Variants in CNTNAP3B observed in about 807,000 individuals in gnomAD.
The protein encoded by CNTNAP3B is contactin-associated protein-like 3B.
In CNTNAP3B, 25 loss-of-function variants were observed where a neutral mutation model predicts 108.9. The ratio of observed to expected loss-of-function variants is 0.23; its 90% CI spans 0.17 to 0.32. The LOEUF is 0.32. Ranked by LOEUF, CNTNAP3B falls within the 10% of genes least tolerant of loss-of-function variation. The pLI, the probability that CNTNAP3B is intolerant of heterozygous loss-of-function variation, is 1.00. For synonymous variants in CNTNAP3B, 103 were observed against 473.4 expected (o/e 0.22, Z 10.16); for missense variants, 252 against 1,210.4 (o/e 0.21, Z 11.75).
chr9:42,121,269 C>T lies in CNTNAP3B; in HGVS notation c.85+7741G>A, dbSNP rs970519079. ...CAGAAGTGACCAGCTCAATGACACC[C>T]CCTTTTGGTGGATTTTTCTTCTCTA... On this transcript the variant is annotated intron_variant, in intron 1 of 23. Transcript: ENST00000377561. Among the ~76,000 whole-genome samples the T allele has an allele frequency of 1.4e-5, 2 of 138,838 alleles. 1 individual carries two copies. Among genetic ancestry groups the T allele is most frequent in the Non-Finnish European group, 3.1e-5 (2 of 64,872 alleles). The allele number at this position is 138,838 out of a possible 152,430, so 91.1% of individuals were successfully genotyped here.
In CNTNAP3B at chr9:42,083,137, A is replaced by G; in HGVS notation, c.197-6075T>C. Among the ~76,000 whole-genome samples the G allele has an allele frequency of 1.5e-5, 2 of 129,694 alleles. 1 individual carries two copies. 85.1% of individuals were successfully genotyped at this position (129,694 alleles called of 152,430 possible). ...TTAAGATGTTCTTTCATCAGAGAAC[A>G]TAATCCTAAACATGCAAACACTTAA... On this transcript the variant is annotated intron_variant, in intron 2 of 23. Transcript: ENST00000377561.
intron 3 of CNTNAP3B, among the ~76,000 whole-genome samples, chr9:42,033,801 G>A (rs1201032422): frequency 9.6e-5 from 3 of 31,286 alleles, no homozygotes; most frequent in African/African-American, 4.2e-4. Context: ...AACCTACCAT[G>A]TTCGATTTTC....
At chr9:42,081,510 A>AT (rs1587256669) in intron 2 of CNTNAP3B, among the ~76,000 whole-genome samples, 1 of 134,944 alleles carries the variant, frequency 7.4e-6, no homozygotes, top group East Asian at 2.3e-4. Flanking sequence ...GCATATTATC[A>AT]TTTTTTATTT....
At chr9:41,931,956 T>C (rs1263921937) in intron 14 of CNTNAP3B, among the ~76,000 whole-genome samples, 9 of 152,258 alleles carry the variant, frequency 5.9e-5, no homozygotes, top group African/African-American at 1.7e-4. Flanking sequence ...AATCCACATT[T>C]CAGTTTAATT....
intron 2 of CNTNAP3B, among the ~76,000 whole-genome samples, chr9:42,078,440 C>T (rs1056931073): frequency 4.3e-5 from 6 of 139,944 alleles, no homozygotes; most frequent in African/African-American, 1.4e-4. Context: ...ATAAGCACCT[C>T]TAAAGTTTAT....
rs1203672004 is a variant in CNTNAP3B, at chr9:42,077,019, C to G, written c.240G>C (p.Trp80Cys). The G allele has an allele frequency of 2.6e-6, 4 of 1,530,954 alleles. 1 individual carries two copies. Among genetic ancestry groups the G allele is most frequent in the Admixed American group, 1.8e-5 (1 of 54,528 alleles). 94.8% of individuals were successfully genotyped at this position (1,530,954 alleles called of 1,614,324 possible). A position where few individuals can be genotyped will look rare whatever the true frequency, so the allele number is the denominator to read the frequency against. Residue 80 changes from tryptophan to cysteine, a missense_variant, in exon 3 of 24, where the codon TGG becomes TGC. Transcript: ENST00000377561. ...WTPLVSNKYQ[W>C]LQIDLGERME... Reference sequence around the variant, plus strand: ...TTCTCTCTCCAAGGTCAATTTGCAGCCATTGGTATTTATTTGACACAAGTG... The same window carrying G: ...TTCTCTCTCCAAGGTCAATTTGCAGGCATTGGTATTTATTTGACACAAGTG...
At chr9:41,950,525 A>T (rs563699470) in intron 13 of CNTNAP3B, among the ~76,000 whole-genome samples, 2 of 113,300 alleles carry the variant, frequency 1.8e-5, no homozygotes, top group African/African-American at 6.6e-5. Context: ...TGGCATATCC[A>T]TGCCACCGAT....
intron 3 of CNTNAP3B, among the ~76,000 whole-genome samples, chr9:42,024,704 A>G (rs1587208189): frequency 7.3e-6 from 1 of 137,092 alleles, no homozygotes; most frequent in South Asian, 2.4e-4. Flanking sequence ...ACATGAAAAG[A>G]TTAAGATGAG....
intron 10 of CNTNAP3B, among the ~76,000 whole-genome samples, chr9:41,964,966 C>T (rs1392756750): frequency 2.6e-5 from 4 of 152,236 alleles, no homozygotes; most frequent in African/African-American, 9.7e-5. Context: ...ATATGGCATG[C>T]TCAGTTACTA....
intron 3 of CNTNAP3B, among the ~76,000 whole-genome samples, chr9:42,056,157 G>T (rs1173308222): frequency 2.1e-4 from 28 of 132,930 alleles, no homozygotes; most frequent in South Asian, 1.2e-3. Flanking sequence ...AATTTTAAGA[G>T]ACTTTAAATT....
chr9:41,949,986 A>G (rs1246684109), intron 13 of CNTNAP3B, among the ~76,000 whole-genome samples: 7 of 151,670 alleles, frequency 4.6e-5, no homozygotes, highest in Non-Finnish European at 1.0e-4. Flanking sequence ...ATATCCAACA[A>G]AAGGCTAGTA....
intron 13 of CNTNAP3B, among the ~76,000 whole-genome samples, chr9:41,950,253 T>C (rs1327952736): frequency 1.8e-5 from 1 of 56,820 alleles, no homozygotes; most frequent in Non-Finnish European, 3.7e-5. Flanking sequence ...CAAATGCGGA[T>C]GAGCATGTGG....
At chr9:41,941,226 AT>A (rs1824332878) in intron 13 of CNTNAP3B, among the ~76,000 whole-genome samples, 1 of 150,830 alleles carries the variant, frequency 6.6e-6, no homozygotes, top group African/African-American at 2.4e-5. Context: ...ATTACCTTAA[AT>A]GTAAATGGTT....
intron 1 of CNTNAP3B, among the ~76,000 whole-genome samples, chr9:42,120,215 AC>A (rs1273797971): frequency 6.9e-6 from 1 of 145,722 alleles, no homozygotes. Context: ...GCCAAAAAAC[AC>A]ACGAAAAAAT....
chr9:41,931,382 A>T (rs1242807304), intron 14 of CNTNAP3B, among the ~76,000 whole-genome samples: 1 of 152,224 alleles, frequency 6.6e-6, no homozygotes, highest in Non-Finnish European at 1.5e-5. Flanking sequence ...GTTAACTATA[A>T]TTTCTCTAGT....
At chr9:42,110,531 TA>T (rs370874060) in intron 1 of CNTNAP3B, among the ~76,000 whole-genome samples, 43,634 of 119,550 alleles carry the variant, frequency 0.36, 10,711 homozygotes, top group South Asian at 0.48. Flanking sequence ...CTCTTTGTTC[TA>T]AAAAAAAAAA....
At chr9:41,935,592 A>T (rs1425406212) in intron 14 of CNTNAP3B, among the ~76,000 whole-genome samples, 5 of 152,302 alleles carry the variant, frequency 3.3e-5, no homozygotes, top group Non-Finnish European at 7.3e-5. Flanking sequence ...TGAAAAATTA[A>T]AATAGAAATT....
rs1469326984 is a variant in CNTNAP3B at position 42,056,585 on chromosome 9, C to T, written c.390+20284G>A. ...CAGGATGGTCTTGATCTCCTGACCT[C>T]GTGATCTGCCCACCTCGGCCTTCCA... On this transcript the variant is annotated intron_variant, in intron 3 of 23. Coordinates refer to ENST00000377561, the MANE Select transcript of CNTNAP3B (RefSeq NM_001201380.3). Among the ~76,000 whole-genome samples the T allele has an allele frequency of 3.6e-5, 5 of 137,860 alleles. 1 individual carries two copies. The highest frequency in any genetic ancestry group is 2.9e-5 in the African/African-American group (1 of 34,876). 90.4% of individuals were successfully genotyped at this position (137,860 alleles called of 152,430 possible).
chr9:41,957,771 GT>G (rs556264455), intron 12 of CNTNAP3B, among the ~76,000 whole-genome samples: 2 of 152,212 alleles, frequency 1.3e-5, no homozygotes, highest in African/African-American at 2.4e-5. Context: ...TTGTTTTTTG[GT>G]TTTTTTGAGA....
Sources: allele counts gnomAD v4.1 joint callset (sites outside exome capture counted in the v4.1 genomes callset), GRCh38; gene constraint gnomAD v4.1.1; transcripts MANE v1.5; gene names NCBI Gene and HGNC (gene_info 2026-07-23, HGNC 2026-07-21).